Variants in TRMT44 observed in about 807,000 individuals in gnomAD.
TRMT44 encodes tRNA methyltransferase 44 homolog.
In TRMT44, 78 loss-of-function variants were observed where a neutral mutation model predicts 77.3. The ratio of observed to expected loss-of-function variants is 1.01; its 90% CI spans 0.84 to 1.22. The LOEUF (loss-of-function observed/expected upper bound fraction) is 1.22. Ranked by LOEUF, TRMT44 falls within the 50% of genes most tolerant of loss-of-function variation. The pLI, the probability that TRMT44 is intolerant of heterozygous loss-of-function variation, is 0.00. For missense variants in TRMT44, 1,090 were observed against 964.4 expected (o/e 1.13, Z -1.73); for synonymous variants, 391 against 383.3 (o/e 1.02, Z -0.23).
chr4:8,472,311 G>C (rs1727059513), intron 10 of TRMT44, among the ~76,000 whole-genome samples: 1 of 152,136 alleles, frequency 6.6e-6, no homozygotes, highest in Non-Finnish European at 1.5e-5. Context: ...AAAGAGCCAG[G>C]GTTGGGAGGA....
chr4:8,473,012 GC>G lies in TRMT44; in HGVS notation c.2044+1813del, dbSNP rs1055225863. ...GGGGGGCAAACTTGTTTTTGGAAACGCTTCTGAGTAGGAGGCCTGGGAATTG... is the reference window on the plus strand; with the variant it reads ...GGGGGGCAAACTTGTTTTTGGAAACGTTCTGAGTAGGAGGCCTGGGAATTG... On this transcript the variant is annotated intron_variant, in intron 10 of 10. Transcript: ENST00000389737. Among the ~76,000 whole-genome samples the G allele has an allele frequency of 7.4e-4, 112 of 152,206 alleles. 1 individual carries two copies. The highest frequency in any genetic ancestry group is 2.6e-3 in the African/African-American group (108 of 41,452).
chr4:8,491,045 A>C (rs1313077785), intron 2 of TRMT44, among the ~76,000 whole-genome samples: 1 of 151,198 alleles, frequency 6.6e-6, no homozygotes, highest in African/African-American at 2.4e-5. Context: ...GTGTTTACAA[A>C]CCTTGAGCTA....
downstream of TRMT44, among the ~76,000 whole-genome samples, chr4:8,497,925 G>A (rs34465110): frequency 0.023 from 3,429 of 152,210 alleles, 72 homozygotes; most frequent in African/African-American, 0.053. Context: ...GCTGGCGTGG[G>A]GGGGGCTGGG....
At chr4:8,479,343 G>A (rs1217327020), downstream of TRMT44, 1 of 151,880 alleles carries the variant, frequency 6.6e-6, no homozygotes, top group Non-Finnish European at 1.5e-5. Context: ...TAACAGTGCA[G>A]ATGCATTCTG....
downstream of TRMT44, among the ~76,000 whole-genome samples, chr4:8,481,271 C>A (rs1424904781): frequency 6.6e-6 from 1 of 152,224 alleles, no homozygotes; most frequent in Non-Finnish European, 1.5e-5. Context: ...AGTTGTCCCG[C>A]CTTTCTGGAC....
At chr4:8,472,620 G>A (rs1358993179) in intron 10 of TRMT44, among the ~76,000 whole-genome samples, 1 of 152,196 alleles carries the variant, frequency 6.6e-6, no homozygotes, top group Admixed American at 6.5e-5. Context: ...CTCCTGGAGA[G>A]CTGAACTTGG....
intron 2 of TRMT44, among the ~76,000 whole-genome samples, chr4:8,493,097 A>G (rs1728057985): frequency 6.6e-6 from 1 of 152,228 alleles, no homozygotes; most frequent in Non-Finnish European, 1.5e-5. Flanking sequence ...CTTTTCCAAA[A>G]CAAAGTCCCT....
At chr4:8,465,303 G>T (rs1726452315) in intron 7 of TRMT44, 75 bp from the exon 8 acceptor site, 3 of 1,438,960 alleles carry the variant, frequency 2.1e-6, no homozygotes, top group South Asian at 1.3e-5. Flanking sequence ...CGATTGCCGT[G>T]TGGCTTTGTT....
rs373742085 is a variant in TRMT44 at position 8,468,357 on chromosome 4, C to G, written c.1927+11C>G. 1.2e-4 allele frequency: 196 copies of G among 1,613,622 alleles called. No individual in the cohort carries two copies. Among genetic ancestry groups the G allele is most frequent in the Admixed American group, 1.1e-3 (66 of 60,018 alleles). ...CCTGGAATGGGGGAGGTAAGCTGTC[C>G]ACCATCTTAGGGAGGGGCTAGCACG... On this transcript the variant is annotated intron_variant, in intron 9 of 10. Transcript: ENST00000389737.
At chr4:8,465,600 G>A (rs1352065900) in intron 8 of TRMT44, 39 bp downstream of exon 8, 4 of 1,559,504 alleles carry the variant, frequency 2.6e-6, no homozygotes, top group Non-Finnish European at 3.5e-6. Context: ...CGGTGTGTCG[G>A]TGTTCAGATG....
chr4:8,471,427 C>A (rs917043871), intron 10 of TRMT44, among the ~76,000 whole-genome samples: 1 of 152,214 alleles, frequency 6.6e-6, no homozygotes, highest in Non-Finnish European at 1.5e-5. Flanking sequence ...CATGCGATGT[C>A]CCCAGGCTGG....
chr4:8,454,806 A>C lies in TRMT44; in HGVS notation c.1196A>C (p.Gln399Pro), dbSNP rs746318968. The change falls in exon 6 of 11, where the codon CAG becomes CCG. Residue 399 changes from glutamine (Q) to proline (P), a missense_variant. Transcript: ENST00000389737. ...TGGGACATGTATGGACCACAAACTC[A>C]GTTAGAGGTACCGTCTTTATTACGC... ...KIWDMYGPQT[Q>P]LEEDAITPND... 1.9e-6 allele frequency: 3 copies of C among 1,614,138 alleles called. No homozygotes were observed. Among genetic ancestry groups the C allele is most frequent in the Non-Finnish European group, 2.5e-6 (3 of 1,179,974 alleles).
intron 2 of TRMT44, among the ~76,000 whole-genome samples, chr4:8,483,430 G>A (rs901759114): frequency 2.6e-5 from 4 of 151,816 alleles, no homozygotes; most frequent in African/African-American, 4.8e-5. Flanking sequence ...GGGGGGGCAC[G>A]GTCTAAGTTG....
downstream of TRMT44, among the ~76,000 whole-genome samples, chr4:8,498,123 G>T (rs1475391573): frequency 6.6e-6 from 1 of 152,132 alleles, no homozygotes; most frequent in Non-Finnish European, 1.5e-5. The surrounding 1 kb of genome is among the most constrained non-coding windows in gnomAD (Gnocchi z 4.3). Flanking sequence ...CCCTTTGTGG[G>T]TTCCCCTTCT....
the TRMT44 span, among the ~76,000 whole-genome samples, chr4:8,501,562 A>G: frequency 1.1e-4 from 17 of 152,346 alleles, no homozygotes; most frequent in East Asian, 2.9e-3. The surrounding 1 kb of genome is among the most constrained non-coding windows in gnomAD (Gnocchi z 4.4). Context: ...GCACTTGGCC[A>G]CTGTGAGAAC....
the TRMT44 span, among the ~76,000 whole-genome samples, chr4:8,503,761 A>G: frequency 1.3e-5 from 2 of 152,198 alleles, no homozygotes; most frequent in Non-Finnish European, 2.9e-5. Context: ...CCTGGCTCCC[A>G]GTTCTGTCCT....
chr4:8,469,918 C>T (rs893268155), intron 9 of TRMT44, among the ~76,000 whole-genome samples: 3 of 152,268 alleles, frequency 2.0e-5, no homozygotes, highest in African/African-American at 4.8e-5. Flanking sequence ...AGCTCGGCGT[C>T]TGTCCCTGTG....
intron 1 of TRMT44, among the ~76,000 whole-genome samples, chr4:8,443,186 T>C (rs1031931742): frequency 6.6e-6 from 1 of 152,222 alleles, no homozygotes; most frequent in African/African-American, 2.4e-5. Flanking sequence ...TTAGGAGTTC[T>C]TCCAGCTCTT....
chr4:8,515,822 C>G, the TRMT44 span, among the ~76,000 whole-genome samples: 1 of 152,230 alleles, frequency 6.6e-6, no homozygotes, highest in African/African-American at 2.4e-5. Context: ...TGGTTCAGGG[C>G]TGTGCCCACT....
Sources: allele counts gnomAD v4.1 joint callset (sites outside exome capture counted in the v4.1 genomes callset), GRCh38; gene constraint gnomAD v4.1.1; non-coding constraint Gnocchi (gnomAD v3.1); transcripts MANE v1.5; gene names NCBI Gene and HGNC (gene_info 2026-07-23, HGNC 2026-07-21).